The following LINGO1 variants were observed in gnomAD, a reference collection of about 807,000 sequenced individuals.
The protein encoded by LINGO1 is leucine rich repeat and Ig domain containing 1, also known as leucine-rich repeat and immunoglobulin-like domain-containing nogo receptor-interacting protein 1.
A neutral mutation model predicts 37.3 loss-of-function variants in LINGO1; 11 were observed. The ratio of observed to expected loss-of-function variants is 0.29; its 90% confidence interval spans 0.19 to 0.49. The LOEUF is 0.49. Among genes scored for constraint, LINGO1 ranks in the 20% least tolerant of loss-of-function variants. The pLI is 0.99. For synonymous variants in LINGO1, 387 were observed against 403.0 expected (o/e 0.96, Z 0.48); for missense variants, 585 against 878.2 (o/e 0.67, Z 4.22).
intron 2 of LINGO1, among the ~76,000 whole-genome samples, chr15:77,732,836 C>A (rs951562291): frequency 6.6e-6 from 1 of 152,370 alleles, no homozygotes; most frequent in Middle Eastern, 3.4e-3. Flanking sequence ...AGGCTCTGAT[C>A]TAGCACACAG....
chr15:77,703,716 T>G (rs2075814051), intron 2 of LINGO1, among the ~76,000 whole-genome samples: 1 of 152,140 alleles, frequency 6.6e-6, no homozygotes, highest in African/African-American at 2.4e-5. Flanking sequence ...GCCCGATCCT[T>G]GGGGTTTATG....
In LINGO1 at chr15:77,614,167, A is replaced by G. The variant is rs761874503; in HGVS notation, c.1740T>C (p.Phe580=). 5 of 1,613,832 alleles carry G rather than the reference A, an allele frequency of 3.1e-6. No individual in the cohort carries two copies. Among genetic ancestry groups the G allele is most frequent in the Admixed American group, 1.7e-5 (1 of 60,004 alleles). The change falls in exon 2 of 2, where the codon TTT becomes TTC. Residue 580 remains phenylalanine (F), a synonymous_variant. Transcript: ENST00000355300. ...TGTTGCCCTTGCCCCGGCTCCAGAGAAACAGCAGCACCAGGCAGAAGAGGA... is the reference window on the plus strand; with the variant it reads ...TGTTGCCCTTGCCCCGGCTCCAGAGGAACAGCAGCACCAGGCAGAAGAGGA... ...GVVLFCLVLL[F]LWSRGKGNTK...
intron 2 of LINGO1, among the ~76,000 whole-genome samples, chr15:77,687,584 T>G (rs1291990574): frequency 6.6e-6 from 1 of 152,172 alleles, no homozygotes; most frequent in Non-Finnish European, 1.5e-5. Flanking sequence ...GCAGGGAAGC[T>G]CTTCCTTGCC....
chr15:77,748,797 C>T (rs2076340163), intron 1 of LINGO1, among the ~76,000 whole-genome samples: 1 of 152,050 alleles, frequency 6.6e-6, no homozygotes, highest in South Asian at 2.1e-4. Flanking sequence ...AATCCTCCCA[C>T]CTCAGCCTCT....
intron 2 of LINGO1, among the ~76,000 whole-genome samples, chr15:77,704,302 C>T (rs1404339908): frequency 2.6e-5 from 4 of 152,184 alleles, no homozygotes; most frequent in Non-Finnish European, 5.9e-5. Context: ...CTCCAATCTG[C>T]CCCTGAGGCT....
intron 3 of LINGO1, among the ~76,000 whole-genome samples, chr15:77,662,024 C>T (rs1285757514): frequency 6.6e-6 from 1 of 152,200 alleles, no homozygotes; most frequent in African/African-American, 2.4e-5. Context: ...CTGGATGGGG[C>T]AAGAGGAGAT....
At chr15:77,790,954 G>A (rs1833527701), upstream of LINGO1, among the ~76,000 whole-genome samples, 1 of 152,178 alleles carries the variant, frequency 6.6e-6, no homozygotes, top group African/African-American at 2.4e-5. Context: ...ATGAGCTTGG[G>A]TTGGGCCAAT....
At chr15:77,638,484 C>G (rs1015892307), upstream of LINGO1, among the ~76,000 whole-genome samples, 4 of 152,238 alleles carry the variant, frequency 2.6e-5, no homozygotes, top group Non-Finnish European at 5.9e-5. Flanking sequence ...CAGAGAGGCT[C>G]CTCCTGAGAG....
chr15:77,699,740 TC>T (rs2075755061), upstream of LINGO1, among the ~76,000 whole-genome samples: 3 of 148 alleles, frequency 0.02, no homozygotes, highest in Non-Finnish European at 0.029. Context: ...ATACTAACCA[TC>T]ACCTGCACAC....
intron 2 of LINGO1, among the ~76,000 whole-genome samples, chr15:77,726,132 C>T (rs1162402304): frequency 6.6e-6 from 1 of 152,348 alleles, no homozygotes; most frequent in East Asian, 1.9e-4. Context: ...AGCTGCCCCA[C>T]TGAGACCTTT....
At chr15:77,786,736 G>C (rs968969563) in intron 1 of LINGO1, 1 of 152,362 alleles carries the variant, frequency 6.6e-6, no homozygotes, top group Non-Finnish European at 1.5e-5. Context: ...CAAAGCCTGG[G>C]CTGGCCACTG....
intron 1 of LINGO1, among the ~76,000 whole-genome samples, chr15:77,757,749 A>T (rs1223910095): frequency 6.6e-6 from 1 of 152,124 alleles, no homozygotes; most frequent in African/African-American, 2.4e-5. Flanking sequence ...AGGAGGAGAA[A>T]GCAAGGCACC....
intron 1 of LINGO1, among the ~76,000 whole-genome samples, chr15:77,782,933 T>G (rs1478918627): frequency 1.3e-5 from 2 of 152,018 alleles, no homozygotes; most frequent in Non-Finnish European, 2.9e-5. Context: ...GCAGGGCGGC[T>G]AAGGCTGTTT....
chr15:77,819,539 C>A (rs1265294959), intron 1 of LINGO1: 1 of 150,514 alleles, frequency 6.6e-6, no homozygotes, highest in Non-Finnish European at 1.5e-5. Context: ...GGCAGAATCT[C>A]TACCGCGCGC....
At chr15:77,687,447 G>T (rs1017971149) in intron 2 of LINGO1, among the ~76,000 whole-genome samples, 2 of 152,230 alleles carry the variant, frequency 1.3e-5, no homozygotes, top group Non-Finnish European at 2.9e-5. Context: ...TCCCCCAGGG[G>T]CCAGGGCCTG....
intron 3 of LINGO1, among the ~76,000 whole-genome samples, chr15:77,675,219 T>G (rs1306930371): frequency 3.3e-5 from 5 of 152,170 alleles, no homozygotes; most frequent in African/African-American, 1.2e-4. Context: ...GATCTGGCTG[T>G]CCAGAACAAA....
intron 1 of LINGO1, among the ~76,000 whole-genome samples, chr15:77,759,270 C>T (rs1331881087): frequency 6.6e-6 from 1 of 152,230 alleles, no homozygotes; most frequent in African/African-American, 2.4e-5. Flanking sequence ...CCTGTGGCCC[C>T]TCAGCACCCT....
chr15:77,773,742 T>C (rs2076608957), intron 1 of LINGO1, among the ~76,000 whole-genome samples: 1 of 151,602 alleles, frequency 6.6e-6, no homozygotes, highest in African/African-American at 2.4e-5. Context: ...GTGAAGATTT[T>C]AAGCATATGA....
intron 2 of LINGO1, among the ~76,000 whole-genome samples, chr15:77,709,845 A>G (rs976508837): frequency 1.3e-5 from 2 of 152,176 alleles, no homozygotes; most frequent in African/African-American, 4.8e-5. Context: ...GGGCAGGGGT[A>G]AACACAGGGA....
Sources: allele counts gnomAD v4.1 joint callset (sites outside exome capture counted in the v4.1 genomes callset), GRCh38; gene constraint gnomAD v4.1.1; transcripts MANE v1.5; gene names NCBI Gene and HGNC (gene_info 2026-07-23, HGNC 2026-07-21).